IL9R: variants seen among roughly 807,000 people sequenced by gnomAD.
IL9R encodes interleukin-9 receptor.
A neutral mutation model predicts 56.3 loss-of-function variants in IL9R; 54 were observed. The ratio of observed to expected loss-of-function variants is 0.96; its 90% CI spans 0.77 to 1.20. The LOEUF (loss-of-function observed/expected upper bound fraction) is 1.20. IL9R is among the 50% of genes most tolerant of loss of function. The pLI, the probability that IL9R is intolerant of heterozygous loss-of-function variation, is 0.00. For synonymous variants in IL9R, 212 were observed against 250.2 expected (o/e 0.85, Z 1.44); for missense variants, 545 against 629.8 (o/e 0.87, Z 1.44).
chrX:156,005,628 T>A, intron 6 of IL9R, 149 bp downstream of exon 6: 1 of 689,984 alleles, frequency 1.4e-6, no homozygotes, highest in Non-Finnish European at 2.5e-6. Context: ...TCTGAAGGTC[T>A]GAGGTCTGTA....
chrX:156,003,388 C>A, intron 2 of IL9R, 61 bp from the exon 3 acceptor site: 2 of 1,182,556 alleles, frequency 1.7e-6, no homozygotes, highest in Non-Finnish European at 2.5e-6. Flanking sequence ...CCTCCCCAAC[C>A]CCCGAGCTCA....
In IL9R at chrX:155,999,874, C is replaced by G. The variant is rs1044862728; in HGVS notation, c.28+2087C>G. Among the ~76,000 whole-genome samples, 93 of 152,098 alleles carry G rather than the reference C, an allele frequency of 6.1e-4. 5 individuals are homozygous for G. The highest frequency in any genetic ancestry group is 4.4e-5 in the Non-Finnish European group (3 of 68,022). On this transcript the variant is annotated intron_variant, in intron 1 of 8. Coordinates refer to ENST00000244174, the MANE Select transcript of IL9R (RefSeq NM_002186.3). Reference sequence around the variant, plus strand: ...GGCATGTTGGCTCATGCCTGACATCCCAGCACTTTGGGAGGCCAAAGCAGG... The same window carrying G: ...GGCATGTTGGCTCATGCCTGACATCGCAGCACTTTGGGAGGCCAAAGCAGG...
intron 8 of IL9R, among the ~76,000 whole-genome samples, chrX:156,009,241 G>GTGTCT (rs1377556588): frequency 7.5e-5 from 2 of 26,684 alleles, no homozygotes; most frequent in Non-Finnish European, 1.5e-4. Flanking sequence ...GTGTTCGTGT[G>GTGTCT]GTGTGTGTGT....
intron 7 of IL9R, among the ~76,000 whole-genome samples, chrX:156,006,761 G>A (rs1171754144): frequency 6.6e-6 from 1 of 151,872 alleles, no homozygotes; most frequent in Non-Finnish European, 1.5e-5. Flanking sequence ...GGGCTAAGTG[G>A]GAGGGTGCTT....
chrX:156,005,890 G>C (rs1316390221), intron 6 of IL9R, among the ~76,000 whole-genome samples, 193 bp from the exon 7 acceptor site: 1 of 143,344 alleles, frequency 7.0e-6, no homozygotes, highest in African/African-American at 2.8e-5. Flanking sequence ...TTCACACAAG[G>C]TCCTTCAGCA....
chrX:156,000,458 C>A (rs1483728263), intron 1 of IL9R, among the ~76,000 whole-genome samples: 2 of 152,108 alleles, frequency 1.3e-5, no homozygotes, highest in African/African-American at 2.4e-5. Flanking sequence ...GAGAACAGAC[C>A]AAAGTGATCA....
intron 4 of IL9R, chrX:156,004,106 G>A: frequency 1.7e-6 from 1 of 604,120 alleles, no homozygotes; most frequent in Non-Finnish European, 2.9e-6. Context: ...TGGCACTTGA[G>A]TCATGTGAAA....
intron 7 of IL9R, among the ~76,000 whole-genome samples, chrX:156,007,169 G>C (rs2068028878): frequency 7.1e-6 from 1 of 141,052 alleles, no homozygotes; most frequent in Non-Finnish European, 1.5e-5. Flanking sequence ...GGAGACACTG[G>C]GTGGGGTGGG....
chrX:156,002,001 G>A (rs958576371), intron 1 of IL9R, among the ~76,000 whole-genome samples: 1 of 152,124 alleles, frequency 6.6e-6, no homozygotes, highest in African/African-American at 2.4e-5. Context: ...CACCTTTCTG[G>A]GGCAGAACAG....
intron 1 of IL9R, among the ~76,000 whole-genome samples, chrX:155,998,793 C>T (rs2067311336): frequency 1.3e-5 from 2 of 151,980 alleles, no homozygotes; most frequent in South Asian, 4.2e-4. Flanking sequence ...CAGGGTCTTG[C>T]CTCCAGGAGC....
rs1200086870 is a variant in IL9R at position 156,009,926 on chromosome X, T to A, written c.1083T>A (p.Cys361Ter). 1.3e-6 allele frequency: 2 copies of A among 1,555,524 alleles called. No individual in the cohort carries two copies. ...CVQEATALLT[C>*]GPARPWKSVA... ...AGGAGGCCACTGCACTGCTCACTTGTGGCCCAGCGCGTCCTTGGAAATCTG... is the reference window on the plus strand; with the variant it reads ...AGGAGGCCACTGCACTGCTCACTTGAGGCCCAGCGCGTCCTTGGAAATCTG... The change falls in exon 9 of 9, where the codon TGT becomes TGA. Residue 361 changes from cysteine (C) to a stop codon, truncating the protein, a stop_gained. Transcript: ENST00000244174. LOFTEE classifies it high-confidence loss of function.
intron 4 of IL9R, 168 bp from the exon 5 acceptor site, chrX:156,004,252 T>C: frequency 1.5e-6 from 1 of 656,048 alleles, no homozygotes. Context: ...GTCATTGCTG[T>C]CCTGTCCCGC....
At chrX:156,004,251 G>C in intron 4 of IL9R, 169 bp from the exon 5 acceptor site, 1 of 654,638 alleles carries the variant, frequency 1.5e-6, no homozygotes, top group South Asian at 1.9e-5. Context: ...AGTCATTGCT[G>C]TCCTGTCCCG....
chrX:156,009,109 TTATGTGTC>T (rs2068243238), intron 8 of IL9R, among the ~76,000 whole-genome samples: 1 of 114,204 alleles, frequency 8.8e-6, no homozygotes, highest in African/African-American at 3.5e-5. Context: ...GTGTGTGTGT[TTATGTGTC>T]TGTGTATGTT....
At chrX:156,001,151 G>A (rs1349282665) in intron 1 of IL9R, among the ~76,000 whole-genome samples, 4 of 152,156 alleles carry the variant, frequency 2.6e-5, no homozygotes, top group Non-Finnish European at 5.9e-5. Context: ...AACGAGGCCT[G>A]CTGAGCTTGG....
At chrX:156,009,248 G>GTGTGTA (rs1569479052) in intron 8 of IL9R, among the ~76,000 whole-genome samples, 6 of 94,952 alleles carry the variant, frequency 6.3e-5, no homozygotes, top group African/African-American at 2.3e-4. Flanking sequence ...TGTGGTGTGT[G>GTGTGTA]TGTCTGTGTG....
intron 5 of IL9R, 70 bp downstream of exon 5, chrX:156,004,635 T>A: frequency 3.4e-6 from 5 of 1,474,240 alleles, no homozygotes; most frequent in Non-Finnish European, 4.7e-6. Context: ...GACTCCCCAC[T>A]CTACATAGGG....
chrX:156,003,887 C>T (rs766943849), intron 4 of IL9R, 32 bp downstream of exon 4: 23 of 1,610,622 alleles, frequency 1.4e-5, no homozygotes, highest in Admixed American at 5.0e-5. Flanking sequence ...GGGGCGGGGC[C>T]GCTTGGCAAG....
intron 8 of IL9R, among the ~76,000 whole-genome samples, chrX:156,009,415 G>A (rs1474019534): frequency 4.1e-5 from 6 of 144,826 alleles, no homozygotes; most frequent in African/African-American, 2.8e-5. Flanking sequence ...GTGTGTGTGT[G>A]TGTTTGTGTA....
Sources: allele counts gnomAD v4.1 joint callset (sites outside exome capture counted in the v4.1 genomes callset), GRCh38; gene constraint gnomAD v4.1.1; transcripts MANE v1.5; gene names NCBI Gene and HGNC (gene_info 2026-07-23, HGNC 2026-07-21).